Variants in MCTP1 observed in about 807,000 individuals in gnomAD.
MCTP1 encodes the protein multiple C2 and transmembrane domain containing 1.
A neutral mutation model predicts 120.6 loss-of-function variants in MCTP1; 69 were observed. The ratio of observed to expected loss-of-function variants is 0.57; its 90% confidence interval spans 0.47 to 0.70. The LOEUF is 0.70. Among genes scored for constraint, MCTP1 ranks in the 30% least tolerant of loss-of-function variants. MCTP1 has a pLI of 0.00. For synonymous variants in MCTP1, 529 were observed against 493.1 expected, an observed-to-expected ratio of 1.07 and a Z score of -0.96; for missense variants, 1,203 against 1,248.8, an observed-to-expected ratio of 0.96 and a Z score of 0.55.
intron 2 of MCTP1, among the ~76,000 whole-genome samples, chr5:95,015,370 A>G (rs770147338): frequency 1.3e-5 from 2 of 152,002 alleles, no homozygotes; most frequent in African/African-American, 2.4e-5. Flanking sequence ...TTATTTATCT[A>G]TTTTGGGGTG....
chr5:95,116,743 G>A (rs1479673341), intron 1 of MCTP1, among the ~76,000 whole-genome samples: 1 of 152,010 alleles, frequency 6.6e-6, no homozygotes, highest in Non-Finnish European at 1.5e-5. Context: ...CCTTGAAGAG[G>A]TCCTTCACTT....
chr5:95,221,058 A>C (rs1420260191), intron 1 of MCTP1, among the ~76,000 whole-genome samples: 1 of 152,238 alleles, frequency 6.6e-6, no homozygotes, highest in Non-Finnish European at 1.5e-5. Flanking sequence ...GACTTTTTTA[A>C]AGAGTGTCCG....
intron 8 of MCTP1, among the ~76,000 whole-genome samples, chr5:94,917,591 G>A (rs159027): frequency 0.75 from 113,881 of 152,018 alleles, 43,524 homozygotes; most frequent in Middle Eastern, 0.83. Context: ...TTCATAAGGA[G>A]TATTCATCCA....
chr5:94,837,171 A>T (rs1163352161), intron 17 of MCTP1, among the ~76,000 whole-genome samples: 4 of 152,140 alleles, frequency 2.6e-5, no homozygotes, highest in African/African-American at 9.6e-5. Flanking sequence ...TGAGAACACG[A>T]GTTCCAGACC....
In MCTP1 at chr5:94,931,711, C is replaced by G. The variant is rs1246862258; in HGVS notation, c.1212+242G>C. The stretch of plus-strand genomic sequence containing the variant: ...GACCCTGTTGCATATATAGTTGAGA[C>G]CAGATGCTGAGAATGATGTTGAGAA... On this transcript the variant is annotated intron_variant, in intron 6 of 22. Coordinates refer to ENST00000515393, the MANE Select transcript of MCTP1 (RefSeq NM_024717.7). 1.0e-5 allele frequency: 5 copies of G among 477,636 alleles called. No individual in the cohort carries two copies. The Admixed American group carries it at 2.0e-4, about 19-fold the overall frequency. 29.6% of individuals were successfully genotyped at this position (477,636 alleles called of 1,614,324 possible).
intron 18 of MCTP1, among the ~76,000 whole-genome samples, chr5:94,788,392 C>A (rs1561637988): frequency 6.6e-6 from 1 of 152,150 alleles, no homozygotes; most frequent in Admixed American, 6.5e-5. Context: ...ACAAAACTCT[C>A]AGCGTTATTG....
At chr5:95,029,585 G>A (rs1839919963) in intron 1 of MCTP1, among the ~76,000 whole-genome samples, 1 of 151,658 alleles carries the variant, frequency 6.6e-6, no homozygotes, top group African/African-American at 2.4e-5. Context: ...GGCATAGATT[G>A]ACTCCCAAAG....
chr5:94,975,357 G>C (rs1827870788), intron 2 of MCTP1, among the ~76,000 whole-genome samples: 1 of 151,914 alleles, frequency 6.6e-6, no homozygotes, highest in Non-Finnish European at 1.5e-5. Flanking sequence ...CTCCTGATGG[G>C]ATTAGTGCCC....
chr5:94,983,641 ATCTGTCTG>A (rs34341526), intron 2 of MCTP1, among the ~76,000 whole-genome samples: 16 of 150,728 alleles, frequency 1.1e-4, no homozygotes, highest in Non-Finnish European at 2.1e-4. Flanking sequence ...TCCTATCTTT[ATCTGTCTG>A]TCTGTCTGTC....
intron 1 of MCTP1, among the ~76,000 whole-genome samples, chr5:95,018,129 A>G (rs1244274136): frequency 6.6e-6 from 1 of 152,134 alleles, no homozygotes; most frequent in Non-Finnish European, 1.5e-5. Flanking sequence ...GCCTGCCTCT[A>G]TAGAATTTAT....
chr5:95,047,237 T>C (rs145031258), intron 1 of MCTP1, among the ~76,000 whole-genome samples: 206 of 152,296 alleles, frequency 1.4e-3, no homozygotes, highest in African/African-American at 4.7e-3. Flanking sequence ...TTTGTCTACA[T>C]AGAGCCTCTA....
rs992208896 is a variant in MCTP1, at chr5:94,949,684, AGGGTACTGAT to A, written c.981+3525_981+3534del. ...TTTACACTGATAGAAATCAGATTACAGGGTACTGATGGACTTCTTTTTCCTGTAATTATAG... is the reference window on the plus strand; with the variant it reads ...TTTACACTGATAGAAATCAGATTACAGGACTTCTTTTTCCTGTAATTATAG... On this transcript the variant is annotated intron_variant, in intron 3 of 22. Transcript: ENST00000515393. Among the ~76,000 whole-genome samples, 50 of 152,262 alleles carry A rather than the reference AGGGTACTGAT, an allele frequency of 3.3e-4. 1 individual carries two copies. The East Asian group carries it at 8.9e-3, about 27-fold the overall frequency.
chr5:94,894,659 A>G lies in MCTP1; in HGVS notation c.1829T>C (p.Leu610Ser). 1 of 1,603,918 alleles carries G rather than the reference A, an allele frequency of 6.2e-7. No homozygotes were observed. Among genetic ancestry groups the G allele is most frequent in the Non-Finnish European group, 8.5e-7 (1 of 1,172,108 alleles). The change falls in exon 11 of 23, where the codon TTA (leucine) becomes TCA (serine). Residue 610 changes from leucine to serine, a missense_variant. Leu to Ser is a moderately radical substitution (Grantham distance 145, BLOSUM62 -2). Coordinates refer to ENST00000515393, the MANE Select transcript of MCTP1 (RefSeq NM_024717.7). ...GGGTTACATACGTACATATCTCTTT[A>G]ATATCTCCTCTCGTTCCTTCTGGTC... The part of the protein sequence containing the change: ...LEDQKEREEI[L>S]KRYSPLRIFH...
At chr5:94,966,565 G>T (rs1825652246) in intron 2 of MCTP1, among the ~76,000 whole-genome samples, 2 of 152,116 alleles carry the variant, frequency 1.3e-5, no homozygotes, top group Admixed American at 1.3e-4. Context: ...GGAAGCCGAG[G>T]CAGGGGAATC....
At chr5:95,029,989 C>T (rs546973448) in intron 1 of MCTP1, among the ~76,000 whole-genome samples, 23 of 152,308 alleles carry the variant, frequency 1.5e-4, no homozygotes, top group African/African-American at 5.1e-4. Flanking sequence ...AGAACGGCAG[C>T]GTTCTAGCAA....
chr5:95,196,732 G>A (rs1229137433), intron 1 of MCTP1, among the ~76,000 whole-genome samples: 3 of 152,184 alleles, frequency 2.0e-5, no homozygotes, highest in East Asian at 1.9e-4. Flanking sequence ...TAGCTGCAGG[G>A]GGAGAGTGTC....
At position 95,100,374 on chromosome 5, in the gene MCTP1, A is replaced by G. The variant is rs182222568; in HGVS notation, c.721-82890T>C. 1.4e-4 allele frequency among the ~76,000 whole-genome samples: 21 copies of G among 152,310 alleles called. No individual in the cohort carries two copies. The East Asian group carries it at 4.0e-3, about 29-fold the overall frequency. The stretch of plus-strand genomic sequence containing the variant: ...TTACCTACATTTACTTTTTCAGCCC[A>G]TCTGAGAGTAAATCAGTCATTCAGA... On this transcript the variant is annotated intron_variant, in intron 1 of 22. Transcript: ENST00000515393.
chr5:94,895,788 T>A (rs756957081), intron 10 of MCTP1, among the ~76,000 whole-genome samples: 3 of 152,228 alleles, frequency 2.0e-5, no homozygotes, highest in Non-Finnish European at 4.4e-5. Context: ...CAAGAGTGAT[T>A]GCAGATATTG....
intron 19 of MCTP1, among the ~76,000 whole-genome samples, chr5:94,776,299 T>C (rs942292416): frequency 7.9e-5 from 12 of 152,128 alleles, no homozygotes; most frequent in Non-Finnish European, 1.0e-4. Flanking sequence ...CTAATATCAA[T>C]GCTGGCTCTA....
Sources: gnomAD v4.1 joint callset for allele counts (sites outside exome capture counted in the v4.1 genomes callset) on GRCh38, gnomAD v4.1.1 for gene constraint, MANE v1.5 for transcripts, NCBI Gene and HGNC (gene_info 2026-07-23, HGNC 2026-07-21) for gene names.